Variants in SGCZ observed in about 807,000 individuals in gnomAD.
The protein encoded by SGCZ is sarcoglycan zeta.
In SGCZ, 40 loss-of-function variants were observed where a neutral mutation model predicts 41.3. The ratio of observed to expected loss-of-function variants is 0.97; its 90% CI spans 0.75 to 1.26. The LOEUF is 1.26. SGCZ is among the 50% of genes most tolerant of loss of function. The probability of loss-of-function intolerance (pLI) is 0.00; values close to 1 mark genes in which losing one functional copy is unlikely to be tolerated. For missense variants in SGCZ, 552 were observed against 369.8 expected (o/e 1.49, Z -4.04); for synonymous variants, 206 against 137.5 (o/e 1.50, Z -3.49).
intron 5 of SGCZ, among the ~76,000 whole-genome samples, chr8:14,113,407 G>C (rs751721920): frequency 2.6e-5 from 4 of 151,944 alleles, no homozygotes; most frequent in African/African-American, 4.8e-5. Flanking sequence ...AATTATAACA[G>C]TTGCTTACGT....
chr8:14,989,859 T>C (rs1319900513), intron 1 of SGCZ, among the ~76,000 whole-genome samples: 1 of 152,170 alleles, frequency 6.6e-6, no homozygotes, highest in Non-Finnish European at 1.5e-5. Flanking sequence ...GAATTCTGGA[T>C]GAACAATGAA....
At chr8:14,589,768 G>C (rs2117281315) in intron 1 of SGCZ, among the ~76,000 whole-genome samples, 1 of 152,222 alleles carries the variant, frequency 6.6e-6, no homozygotes, top group African/African-American at 2.4e-5. Flanking sequence ...TATTCTACTA[G>C]GGAGATGTAT....
At position 15,226,971 on chromosome 8, in the gene SGCZ, A is replaced by C. The variant is rs183963472; in HGVS notation, c.39+10614T>G. Among the ~76,000 whole-genome samples the C allele has an allele frequency of 9.8e-5, 15 of 152,332 alleles. No homozygotes were observed. In the East Asian group the frequency reaches 2.9e-3, roughly 29 times the overall value. On this transcript the variant is annotated intron_variant, in intron 1 of 7. Coordinates refer to ENST00000382080, the MANE Select transcript of SGCZ (RefSeq NM_139167.4). ...GGTGAAATACTAAACAAGACGAAGA[A>C]CATACGACAGGAGGGGCACACTTGA...
At position 15,237,988 on chromosome 8, in the gene SGCZ, C is replaced by G. The variant is rs998399104; in HGVS notation, c.-365G>C. Reference sequence around the variant, plus strand: ...TAGAACCCAGCGAATTGCTGCATCCCGAGAAAAAAAGCTGCTTCCCTGGTC... The same window carrying G: ...TAGAACCCAGCGAATTGCTGCATCCGGAGAAAAAAAGCTGCTTCCCTGGTC... On this transcript the variant is annotated 5_prime_UTR_variant, in exon 1 of 8. Transcript: ENST00000382080. The G allele has an allele frequency of 6.6e-5, 12 of 182,040 alleles. No homozygotes were observed. Among genetic ancestry groups the G allele is most frequent in the East Asian group, 1.3e-4 (1 of 7,626 alleles). 11.3% of individuals were successfully genotyped at this position (182,040 alleles called of 1,614,324 possible).
chr8:14,300,330 A>T (rs1199308662), intron 3 of SGCZ, among the ~76,000 whole-genome samples: 2 of 151,664 alleles, frequency 1.3e-5, no homozygotes, highest in Non-Finnish European at 2.9e-5. Context: ...ACAAAGAGAG[A>T]GACACGGAGG....
chr8:14,114,718 G>A (rs191817338), intron 5 of SGCZ, among the ~76,000 whole-genome samples: 1 of 152,024 alleles, frequency 6.6e-6, no homozygotes, highest in Admixed American at 6.6e-5. Flanking sequence ...TCAGAAATAA[G>A]TTGTTTGTTA....
intron 1 of SGCZ, among the ~76,000 whole-genome samples, chr8:15,131,901 C>A (rs1807921006): frequency 6.6e-6 from 1 of 152,182 alleles, no homozygotes; most frequent in Non-Finnish European, 1.5e-5. Context: ...TTTCCTATTT[C>A]ATGATAAGAC....
At chr8:14,785,991 A>G (rs1800754591) in intron 1 of SGCZ, among the ~76,000 whole-genome samples, 1 of 138,094 alleles carries the variant, frequency 7.2e-6, no homozygotes, top group Non-Finnish European at 1.5e-5. Context: ...TGCAGATACT[A>G]TGAAAACGAA....
At chr8:14,974,855 T>C (rs1328464635) in intron 1 of SGCZ, among the ~76,000 whole-genome samples, 1 of 122,366 alleles carries the variant, frequency 8.2e-6, no homozygotes, top group African/African-American at 3.5e-5. Context: ...AAGAGGGAAG[T>C]GATTTTAGGA....
chr8:14,627,392 A>G (rs1323304329), intron 1 of SGCZ, among the ~76,000 whole-genome samples: 2 of 152,112 alleles, frequency 1.3e-5, no homozygotes, highest in Non-Finnish European at 2.9e-5. Context: ...GAGAACATCT[A>G]ATACCTAATT....
intron 1 of SGCZ, among the ~76,000 whole-genome samples, chr8:14,570,221 T>C (rs1284680698): frequency 2.0e-5 from 3 of 152,196 alleles, no homozygotes; most frequent in African/African-American, 7.2e-5. Flanking sequence ...AATAAACAAA[T>C]GACTTTGTAG....
chr8:15,141,381 G>A (rs541399202), intron 1 of SGCZ, among the ~76,000 whole-genome samples: 8 of 152,228 alleles, frequency 5.3e-5, no homozygotes, highest in Admixed American at 2.0e-4. Context: ...TTCTTAGGGC[G>A]TCAGCCATAT....
intron 4 of SGCZ, among the ~76,000 whole-genome samples, chr8:14,190,992 A>C (rs1376996971): frequency 6.6e-6 from 1 of 152,154 alleles, no homozygotes; most frequent in East Asian, 1.9e-4. Context: ...TTTTCGTCAC[A>C]TCCTCGTCAA....
intron 1 of SGCZ, among the ~76,000 whole-genome samples, chr8:14,611,744 T>C (rs900029833): frequency 4.6e-5 from 7 of 152,156 alleles, no homozygotes; most frequent in Non-Finnish European, 7.3e-5. Context: ...ATGTGACCTA[T>C]GCCACAAAAG....
At chr8:14,155,998 A>C (rs1191404783) in intron 5 of SGCZ, among the ~76,000 whole-genome samples, 1 of 152,102 alleles carries the variant, frequency 6.6e-6, no homozygotes, top group African/African-American at 2.4e-5. Context: ...TAATGATATA[A>C]AAGATTAAAT....
At chr8:14,247,179 T>C (rs538319762) in intron 3 of SGCZ, among the ~76,000 whole-genome samples, 2 of 152,134 alleles carry the variant, frequency 1.3e-5, no homozygotes, top group East Asian at 3.9e-4. Flanking sequence ...ATTTCCCCAT[T>C]TGGTTTAGTC....
chr8:14,638,170 T>C (rs1397288), intron 1 of SGCZ, among the ~76,000 whole-genome samples: 43,744 of 151,754 alleles, frequency 0.29, 7,342 homozygotes, highest in East Asian at 0.63. Context: ...TCCTGAGACA[T>C]AGCCAAAGAT....
intron 1 of SGCZ, among the ~76,000 whole-genome samples, chr8:14,621,361 C>T (rs986753954): frequency 1.3e-5 from 2 of 151,432 alleles, no homozygotes; most frequent in African/African-American, 4.9e-5. Context: ...GGGTGCAGCA[C>T]ACCAACATGG....
chr8:14,096,124 G>A (rs948530818), intron 7 of SGCZ, among the ~76,000 whole-genome samples: 2 of 152,112 alleles, frequency 1.3e-5, no homozygotes, highest in African/African-American at 4.8e-5. Context: ...GCCCTAGCCA[G>A]ATCTTCCAAT....
Sources: gnomAD v4.1 joint callset for allele counts (sites outside exome capture counted in the v4.1 genomes callset) on GRCh38, gnomAD v4.1.1 for gene constraint, MANE v1.5 for transcripts, NCBI Gene and HGNC (gene_info 2026-07-23, HGNC 2026-07-21) for gene names.